The following DICER1 variants were observed in gnomAD, a reference collection of about 807,000 sequenced individuals.
The protein encoded by DICER1 is dicer 1, ribonuclease III.
DICER1 carries 43 observed loss-of-function variants against 194.1 expected under a neutral mutation model. The observed-to-expected ratio is 0.22, with a 90% CI of 0.17 to 0.29. The LOEUF (loss-of-function observed/expected upper bound fraction) is 0.29, where lower values mean the gene tolerates loss of function less well. Ranked by LOEUF, DICER1 falls within the 10% of genes least tolerant of loss-of-function variation. The pLI, the probability that DICER1 is intolerant of heterozygous loss-of-function variation, is 1.00. For synonymous variants in DICER1, 832 were observed against 820.5 expected (o/e 1.01, Z -0.24); for missense variants, 1,608 against 2,317.0 (o/e 0.69, Z 6.28).
At chr14:95,152,244 T>A (rs535329345) in intron 1 of DICER1, among the ~76,000 whole-genome samples, 1 of 152,200 alleles carries the variant, frequency 6.6e-6, no homozygotes, top group Non-Finnish European at 1.5e-5. Context: ...TTCTTAACAC[T>A]TCCCTCAGTC....
At chr14:95,145,272 A>G (rs1595497980) in intron 1 of DICER1, among the ~76,000 whole-genome samples, 2 of 152,368 alleles carry the variant, frequency 1.3e-5, no homozygotes, top group South Asian at 2.1e-4. Context: ...TTCCTCCCCT[A>G]CATTCCAAAC....
intron 1 of DICER1, among the ~76,000 whole-genome samples, chr14:95,134,040 G>C (rs1349496387): frequency 3.9e-5 from 6 of 152,074 alleles, no homozygotes; most frequent in African/African-American, 7.2e-5. Context: ...TGACGTTACT[G>C]ATAAAATGAT....
chr14:95,126,505 A>G lies in DICER1; in HGVS notation c.903+75T>C, dbSNP rs1290430132. On this transcript the variant is annotated intron_variant, in intron 7 of 26. Transcript: ENST00000343455. ...TGCAAAGAAAAGAGCCGCATTAAGC[A>G]TATTTTCATTTCAATATTAAAAATT... 11 of 978,054 alleles carry G rather than the reference A, an allele frequency of 1.1e-5. No individual in the cohort carries two copies. In the East Asian group the frequency reaches 2.2e-4, roughly 19 times the overall value. 60.6% of individuals were successfully genotyped at this position (978,054 alleles called of 1,614,324 possible).
At position 95,091,192 on chromosome 14, in the gene DICER1, G is replaced by A. The variant is rs1889784441; in HGVS notation, c.5527+11C>T. ...GTGGGTTTTTTTCTTTCTAAAGGGA[G>A]CCAACAATACCTATTAGTGGCCGCA... On this transcript the variant is annotated intron_variant, in intron 25 of 26. Transcript: ENST00000343455. 6 of 1,613,932 alleles carry A rather than the reference G, an allele frequency of 3.7e-6. No individual in the cohort carries two copies. The South Asian group carries it at 6.6e-5, about 18-fold the overall frequency.
At chr14:95,116,373 T>C in intron 10 of DICER1, 80 bp downstream of exon 10, 2 of 1,521,458 alleles carry the variant, frequency 1.3e-6, no homozygotes, top group Non-Finnish European at 1.8e-6. Context: ...TATCTGTTCC[T>C]ATGGATACAA....
intron 1 of DICER1, among the ~76,000 whole-genome samples, chr14:95,140,060 G>T (rs781658923): frequency 6.6e-6 from 1 of 152,108 alleles, no homozygotes; most frequent in African/African-American, 2.4e-5. Flanking sequence ...CTGAATCTCT[G>T]CTGGCAGGTA....
At chr14:95,117,085 T>A (rs1892540084) in intron 9 of DICER1, among the ~76,000 whole-genome samples, 1 of 152,220 alleles carries the variant, frequency 6.6e-6, no homozygotes, top group African/African-American at 2.4e-5. Context: ...AATAGGTTTT[T>A]GTGTACAAGC....
At chr14:95,156,939 T>C (rs1895922755) in intron 1 of DICER1, among the ~76,000 whole-genome samples, 2 of 152,060 alleles carry the variant, frequency 1.3e-5, no homozygotes, top group East Asian at 1.9e-4. Context: ...GGCGCCGGCA[T>C]CCCCCACCAC....
chr14:95,100,271 T>C (rs1225050525), intron 21 of DICER1, among the ~76,000 whole-genome samples: 3 of 152,058 alleles, frequency 2.0e-5, no homozygotes, highest in African/African-American at 7.2e-5. Context: ...CCTGATGATA[T>C]AAAATGCAAA....
intron 1 of DICER1, among the ~76,000 whole-genome samples, chr14:95,156,435 C>G (rs1331921425): frequency 6.6e-6 from 1 of 152,222 alleles, no homozygotes; most frequent in Non-Finnish European, 1.5e-5. Flanking sequence ...GACCCTCCAA[C>G]TCATCTCCAC....
intron 6 of DICER1, 63 bp from the exon 7 acceptor site, chr14:95,126,811 T>G: frequency 8.7e-7 from 1 of 1,144,114 alleles, no homozygotes; most frequent in Non-Finnish European, 1.2e-6. Context: ...TAAAAAAAGT[T>G]TTTCAAAAAG....
chr14:95,116,427 G>A (rs763799597), intron 10 of DICER1, 26 bp downstream of exon 10: 22 of 1,605,284 alleles, frequency 1.4e-5, no homozygotes, highest in Admixed American at 1.0e-4. Flanking sequence ...CCAATCTGCC[G>A]GCACATGTTA....
At position 95,099,939 on chromosome 14, in the gene DICER1, T is replaced by C. The variant is rs755235399; in HGVS notation, c.4051-4A>G. The C allele has an allele frequency of 4.3e-6, 7 of 1,613,812 alleles. No individual in the cohort carries two copies. In the African/African-American group the frequency reaches 9.3e-5, roughly 22 times the overall value. ...GATACAGATTACAGTTGCTGACCTT[T>C]AGCAGAAAATATTAGGATACTTATC... On this transcript the variant is annotated splice_polypyrimidine_tract_variant and splice_region_variant and intron_variant, in intron 21 of 26. Coordinates refer to ENST00000343455, the MANE Select transcript of DICER1 (RefSeq NM_177438.3).
chr14:95,115,012 G>A (rs1265324054), intron 11 of DICER1, among the ~76,000 whole-genome samples: 3 of 152,164 alleles, frequency 2.0e-5, no homozygotes, highest in Admixed American at 1.3e-4. Flanking sequence ...CTGACTCTAA[G>A]GTAGATACTT....
At chr14:95,130,018 A>C (rs545263158) in intron 5 of DICER1, 40 bp downstream of exon 5, 1 of 1,596,680 alleles carries the variant, frequency 6.3e-7, no homozygotes, top group African/African-American at 1.3e-5. Flanking sequence ...TTTACTCAAT[A>C]GTTTACCAAG....
rs2140295151 is a variant in DICER1, at chr14:95,133,321, T to C, written c.138A>G (p.Lys46=). The change falls in exon 2 of 27, where the codon AAA becomes AAG. Residue 46 remains lysine, a synonymous_variant. Coordinates refer to ENST00000343455, the MANE Select transcript of DICER1 (RefSeq NM_177438.3). ...AIHDNIYTPR[K]YQVELLEAAL... ...TTAGTGTTCGCATTAGTACCTGATATTTTCTTGGCGTATAAATGTTATCAT... is the reference window on the plus strand; with the variant it reads ...TTAGTGTTCGCATTAGTACCTGATACTTTCTTGGCGTATAAATGTTATCAT... The C allele has an allele frequency of 1.9e-6, 3 of 1,614,114 alleles. No homozygotes were observed. The highest frequency in any genetic ancestry group is 2.5e-6 in the Non-Finnish European group (3 of 1,180,014).
chr14:95,147,640 G>A lies in DICER1; in HGVS notation c.-46+9590C>T, dbSNP rs534253628. ...ACAAGCAAGCCATCAATTCTGCAGCGGACACCAGCTGGGTGTCTTCTATTA... is the reference window on the plus strand; with the variant it reads ...ACAAGCAAGCCATCAATTCTGCAGCAGACACCAGCTGGGTGTCTTCTATTA... On this transcript the variant is annotated intron_variant, in intron 1 of 26. Transcript: ENST00000343455. Among the ~76,000 whole-genome samples the A allele has an allele frequency of 5.1e-4, 78 of 152,236 alleles. No individual in the cohort carries two copies. The South Asian group carries it at 9.1e-3, about 18-fold the overall frequency.
chr14:95,110,456 G>A (rs1175378973), intron 14 of DICER1, among the ~76,000 whole-genome samples: 3 of 152,192 alleles, frequency 2.0e-5, no homozygotes, highest in Non-Finnish European at 1.5e-5. Flanking sequence ...GTAGGAAACC[G>A]GAGTAAGCAG....
In DICER1 at chr14:95,096,593, G is replaced by C; in HGVS notation, c.4327C>G (p.Leu1443Val). ...KEEADYEDDFLEYDQEHIRFI... is the reference protein window; with the variant it reads ...KEEADYEDDFVEYDQEHIRFI... ...CTGATATGTTCCTGATCATACTCCA[G>C]GAAATCATCTTCATAGTCAGCCTCT... The change falls in exon 23 of 27, where the codon CTG becomes GTG. Residue 1443 changes from leucine (L) to valine (V), a missense_variant. By Grantham distance (32) the Leu-to-Val change is conservative (BLOSUM62 1). Coordinates refer to ENST00000343455, the MANE Select transcript of DICER1 (RefSeq NM_177438.3). 6.2e-7 allele frequency: 1 copy of C among 1,611,780 alleles called. No homozygotes were observed. Among genetic ancestry groups the C allele is most frequent in the South Asian group, 1.1e-5 (1 of 90,840 alleles).
Sources: gnomAD v4.1 joint callset for allele counts (sites outside exome capture counted in the v4.1 genomes callset) on GRCh38, gnomAD v4.1.1 for gene constraint, MANE v1.5 for transcripts, NCBI Gene and HGNC (gene_info 2026-07-23, HGNC 2026-07-21) for gene names.